The following SRGAP2C variants were observed in gnomAD, a reference collection of about 807,000 sequenced individuals.
SRGAP2C encodes SLIT-ROBO Rho GTPase activating protein 2C, also known as SLIT-ROBO Rho GTPase-activating protein 2C.
SRGAP2C carries 15 observed loss-of-function variants against 25.1 expected under a neutral mutation model. That is an observed-to-expected ratio of 0.60 (90% CI 0.40 to 0.92). The LOEUF is 0.92. Ranked by LOEUF, SRGAP2C falls within the 40% of genes least tolerant of loss-of-function variation. The probability of loss-of-function intolerance (pLI) is 0.00; values close to 1 mark genes in which losing one functional copy is unlikely to be tolerated. For missense variants in SRGAP2C, 144 were observed against 264.4 expected (o/e 0.54, Z 3.16); for synonymous variants, 44 against 96.6 (o/e 0.46, Z 3.19).
chr1:121,234,675 ATGAGT>A (rs1655899836), intron 2 of SRGAP2C, among the ~76,000 whole-genome samples: 1 of 145,856 alleles, frequency 6.9e-6, no homozygotes, highest in Non-Finnish European at 1.5e-5. Flanking sequence ...GTGGGTGGAG[ATGAGT>A]TGGGGGAGTT....
At chr1:121,278,039 C>T (rs1222870820) in intron 2 of SRGAP2C, among the ~76,000 whole-genome samples, 3 of 149,756 alleles carry the variant, frequency 2.0e-5, no homozygotes, top group Non-Finnish European at 4.5e-5. Flanking sequence ...CTCCTGGGCT[C>T]AAGCAAGCCT....
intron 3 of SRGAP2C, among the ~76,000 whole-genome samples, chr1:121,300,169 A>AT (rs1451891450): frequency 7.6e-6 from 1 of 131,820 alleles, no homozygotes; most frequent in Non-Finnish European, 1.6e-5. Context: ...GTATTAGGCC[A>AT]TTTTTTGCGA....
chr1:121,279,030 C>T (rs1657176849), intron 2 of SRGAP2C, among the ~76,000 whole-genome samples: 1 of 152,110 alleles, frequency 6.6e-6, no homozygotes, highest in Non-Finnish European at 1.5e-5. Context: ...GGGCTAAAAG[C>T]AGGTGAGGCA....
Position 121,324,552 on chromosome 1 carries a change from A to C in SRGAP2C, c.335A>C (p.Asp112Ala). The C allele has an allele frequency of 6.2e-7, 1 of 1,611,856 alleles. No homozygotes were observed. Among genetic ancestry groups the C allele is most frequent in the Non-Finnish European group, 8.5e-7 (1 of 1,178,028 alleles). ...AACCAGGTGAAGTGGGAAAGCAGGG[A>C]CCATACCACCCTGAGTGACATCTAC... ...LLNQVKWESRDHTTLSDIYLN... is the reference protein window; with the variant it reads ...LLNQVKWESRAHTTLSDIYLN... Residue 112 changes from aspartate to alanine, a missense_variant, in exon 4 of 10, where the codon GAC becomes GCC. Asp to Ala is a moderately radical substitution (Grantham distance 126, BLOSUM62 -2). Transcript: ENST00000367123.
chr1:121,306,926 C>T (rs1238545411), intron 3 of SRGAP2C, among the ~76,000 whole-genome samples: 16 of 151,926 alleles, frequency 1.1e-4, no homozygotes, highest in African/African-American at 3.4e-4. Context: ...CTTATCTTTG[C>T]TTTGTGTGAT....
chr1:121,370,824 TG>T (rs1478356832), intron 5 of SRGAP2C, among the ~76,000 whole-genome samples: 2 of 149,634 alleles, frequency 1.3e-5, no homozygotes, highest in Non-Finnish European at 3.0e-5. Flanking sequence ...CGGGCTTCTG[TG>T]ATATAAATCT....
chr1:121,198,627 C>CCTTAG (rs1654900470), intron 2 of SRGAP2C, among the ~76,000 whole-genome samples: 3 of 141,848 alleles, frequency 2.1e-5, no homozygotes. Flanking sequence ...AACTCTTCTC[C>CCTTAG]AAACATTGAA....
intron 2 of SRGAP2C, among the ~76,000 whole-genome samples, chr1:121,233,137 C>T (rs1357916723): frequency 7.1e-6 from 1 of 140,482 alleles, no homozygotes; most frequent in Non-Finnish European, 1.5e-5. Context: ...GGGATCTCCC[C>T]CTTGGTTCTT....
chr1:121,379,317 A>C (rs1426528602), intron 7 of SRGAP2C, among the ~76,000 whole-genome samples: 3 of 151,392 alleles, frequency 2.0e-5, no homozygotes, highest in Non-Finnish European at 4.4e-5. Flanking sequence ...GTCATCATAC[A>C]TCTGGATGGG....
intron 2 of SRGAP2C, among the ~76,000 whole-genome samples, chr1:121,222,598 G>A (rs1655557699): frequency 6.6e-6 from 1 of 152,098 alleles, no homozygotes; most frequent in African/African-American, 2.4e-5. Context: ...CTACACTCTG[G>A]CCTGGGTGAA....
At position 121,274,831 on chromosome 1, in the gene SRGAP2C, TG is replaced by T. The variant is rs1170489827; in HGVS notation, c.68-9971del. On this transcript the variant is annotated intron_variant, in intron 2 of 9. Transcript: ENST00000367123. ...TTACAGAGCCCTTTAGAACTGTGTTTGTATCTGTTCTGCTCATCAGGCATGC... is the reference window on the plus strand; with the variant it reads ...TTACAGAGCCCTTTAGAACTGTGTTTTATCTGTTCTGCTCATCAGGCATGC... Among the ~76,000 whole-genome samples the T allele has an allele frequency of 2.1e-4, 25 of 118,554 alleles. No homozygotes were observed. In the East Asian group the frequency reaches 6.1e-3, roughly 29 times the overall value. 77.8% of individuals were successfully genotyped at this position (118,554 alleles called of 152,430 possible).
intron 2 of SRGAP2C, among the ~76,000 whole-genome samples, chr1:121,236,034 T>A (rs1655949539): frequency 7.5e-6 from 1 of 132,894 alleles, no homozygotes; most frequent in African/African-American, 3.0e-5. Context: ...TTTGACGTGA[T>A]CCTGTTGGAC....
chr1:121,304,049 CA>C (rs1168974269), intron 3 of SRGAP2C, among the ~76,000 whole-genome samples: 89,913 of 145,174 alleles, frequency 0.62, 27,592 homozygotes, highest in East Asian at 0.8. Flanking sequence ...CTAAAAAATA[CA>C]AAAAAAAAAA....
At chr1:121,253,886 C>T (rs1398066601) in intron 2 of SRGAP2C, among the ~76,000 whole-genome samples, 6 of 150,000 alleles carry the variant, frequency 4.0e-5, no homozygotes, top group Admixed American at 2.7e-4. Context: ...TAACCAGGTG[C>T]CTACTGCTAT....
intron 2 of SRGAP2C, among the ~76,000 whole-genome samples, chr1:121,232,721 C>A (rs1475280177): frequency 6.6e-6 from 1 of 152,142 alleles, no homozygotes; most frequent in African/African-American, 2.4e-5. Context: ...TTCCAGATAG[C>A]CATTTTTGGG....
chr1:121,356,723 T>C (rs1477231119), intron 4 of SRGAP2C, among the ~76,000 whole-genome samples: 1 of 151,922 alleles, frequency 6.6e-6, no homozygotes, highest in Non-Finnish European at 1.5e-5. Flanking sequence ...CCTGAAGACA[T>C]TACGCCCCCA....
intron 2 of SRGAP2C, among the ~76,000 whole-genome samples, chr1:121,270,548 C>CT (rs587698939): frequency 2.4e-5 from 3 of 126,982 alleles, no homozygotes; most frequent in Non-Finnish European, 4.9e-5. Flanking sequence ...TCTCTTAAGC[C>CT]TTTTTTTTAC....
At chr1:121,228,995 C>T (rs1444852823) in intron 2 of SRGAP2C, among the ~76,000 whole-genome samples, 1 of 151,408 alleles carries the variant, frequency 6.6e-6, no homozygotes, top group Non-Finnish European at 1.5e-5. Flanking sequence ...TCATAACATC[C>T]CTGTTAAGAT....
intron 4 of SRGAP2C, among the ~76,000 whole-genome samples, chr1:121,348,635 CCT>C (rs1658814299): frequency 1.3e-5 from 2 of 149,228 alleles, no homozygotes; most frequent in Non-Finnish European, 3.0e-5. Context: ...CTTTCTTCCC[CCT>C]GTCTTTGCTC....
Sources: gnomAD v4.1 joint callset for allele counts (sites outside exome capture counted in the v4.1 genomes callset) on GRCh38, gnomAD v4.1.1 for gene constraint, MANE v1.5 for transcripts, NCBI Gene and HGNC (gene_info 2026-07-23, HGNC 2026-07-21) for gene names.